Variants in UGGT1 observed in about 807,000 individuals in gnomAD.
UGGT1 encodes UDP-glucose:glycoprotein glucosyltransferase 1.
UGGT1 carries 107 observed loss-of-function variants against 203.9 expected under a neutral mutation model. The ratio of observed to expected loss-of-function variants is 0.52; its 90% CI spans 0.45 to 0.62. The LOEUF is 0.62. UGGT1 is among the 20% of genes least tolerant of loss of function. UGGT1 has a pLI of 0.00. For missense variants in UGGT1, 1,673 were observed against 1,867.2 expected, an observed-to-expected ratio of 0.90 and a Z score of 1.92; for synonymous variants, 628 against 653.5, an observed-to-expected ratio of 0.96 and a Z score of 0.59.
chr2:128,178,632 G>A lies in UGGT1; in HGVS notation c.3815+63G>A, dbSNP rs962305057. 38 of 1,461,416 alleles carry A rather than the reference G, an allele frequency of 2.6e-5. No individual in the cohort carries two copies. In the Admixed American group the frequency reaches 3.2e-4, roughly 12 times the overall value. 90.5% of individuals were successfully genotyped at this position (1,461,416 alleles called of 1,614,324 possible). On this transcript the variant is annotated intron_variant, in intron 34 of 40. Coordinates refer to ENST00000259253, the MANE Select transcript of UGGT1 (RefSeq NM_020120.4). ...GAATTGGTCAGTGTTCTTATTTAGA[G>A]AGGAAAGGTTTTGTGGGATTCTGCT...
In UGGT1 at chr2:128,103,951, A is replaced by G; in HGVS notation, c.214A>G (p.Ser72Gly). The change falls in exon 3 of 41, where the codon AGT (serine) becomes GGT (glycine). Residue 72 changes from serine to glycine, a missense_variant. Transcript: ENST00000259253. ...LEASEFLAED[S>G]QEKFWNFVEA... is the part of the protein sequence containing the mutation. ...TCCCAGTGAGTTTTTAGCAGAAGACAGTCAAGAGAAATTTTGGAATTTTGT... is the reference window on the plus strand; with the variant it reads ...TCCCAGTGAGTTTTTAGCAGAAGACGGTCAAGAGAAATTTTGGAATTTTGT... The G allele has an allele frequency of 6.3e-7, 1 of 1,592,622 alleles. No individual in the cohort carries two copies. The highest frequency in any genetic ancestry group is 1.2e-5 in the South Asian group (1 of 85,976).
At chr2:128,113,336 C>T (rs1007040235) in intron 6 of UGGT1, 78 bp downstream of exon 6, 1 of 1,160,166 alleles carries the variant, frequency 8.6e-7, no homozygotes, top group African/African-American at 1.6e-5. Context: ...TAATAATCTC[C>T]CTCTTTATAA....
chr2:128,149,262 C>T (rs1372118889), intron 18 of UGGT1, among the ~76,000 whole-genome samples: 1 of 151,688 alleles, frequency 6.6e-6, no homozygotes, highest in Non-Finnish European at 1.5e-5. Context: ...GGCTGTTCTC[C>T]AACTCTTGGG....
chr2:128,174,762 T>G lies in UGGT1; in HGVS notation c.3454-11T>G, dbSNP rs1376119863. 1 of 1,606,068 alleles carries G rather than the reference T, an allele frequency of 6.2e-7. No individual in the cohort carries two copies. The highest frequency in any genetic ancestry group is 8.5e-7 in the Non-Finnish European group (1 of 1,177,504). On this transcript the variant is annotated splice_polypyrimidine_tract_variant and intron_variant, in intron 30 of 40. Coordinates refer to ENST00000259253, the MANE Select transcript of UGGT1 (RefSeq NM_020120.4). The stretch of plus-strand genomic sequence containing the variant: ...TGAAGAGAGCTAACTGGACTTTTCT[T>G]CTTGTCCTAGGGCTACTTTCAGCTG...
chr2:128,156,866 G>A (rs1025418981), intron 21 of UGGT1, among the ~76,000 whole-genome samples: 5 of 152,062 alleles, frequency 3.3e-5, no homozygotes, highest in African/African-American at 9.7e-5. Flanking sequence ...CACTGCACCC[G>A]GCCAATGTAG....
chr2:128,141,295 C>A (rs1689411803), intron 16 of UGGT1, among the ~76,000 whole-genome samples: 1 of 151,832 alleles, frequency 6.6e-6, no homozygotes, highest in African/African-American at 2.4e-5. Flanking sequence ...CTCATCTCTA[C>A]TAAAAATACA....
chr2:128,189,798 G>C lies in UGGT1; in HGVS notation c.*56G>C. The C allele has an allele frequency of 6.3e-7, 1 of 1,597,356 alleles. No homozygotes were observed. The highest frequency in any genetic ancestry group is 8.6e-7 in the Non-Finnish European group (1 of 1,168,056). ...TTGAAAAACAGTTTTTATAATAAAT[G>C]CTAGTTTTTTCTGATCTGTCTATAC... is the stretch of plus-strand genomic sequence containing the variant. On this transcript the variant is annotated 3_prime_UTR_variant, in exon 41 of 41. Transcript: ENST00000259253.
At chr2:128,095,040 C>G (rs188457198) in intron 1 of UGGT1, among the ~76,000 whole-genome samples, 5 of 152,044 alleles carry the variant, frequency 3.3e-5, no homozygotes, top group East Asian at 1.9e-4. Context: ...TGAGCCACTG[C>G]GCTGGGCCAG....
chr2:128,139,522 A>G (rs1023252352), intron 16 of UGGT1, among the ~76,000 whole-genome samples: 1 of 152,184 alleles, frequency 6.6e-6, no homozygotes, highest in Non-Finnish European at 1.5e-5. Flanking sequence ...ATAGGCTTGG[A>G]GGCCGAATGT....
At chr2:128,119,111 A>T (rs1398155698) in intron 8 of UGGT1, among the ~76,000 whole-genome samples, 1 of 152,194 alleles carries the variant, frequency 6.6e-6, no homozygotes, top group Non-Finnish European at 1.5e-5. Flanking sequence ...AAAATCTGAA[A>T]CCTGAAATGC....
At chr2:128,158,399 G>A (rs772322158) in intron 22 of UGGT1, among the ~76,000 whole-genome samples, 20 of 152,192 alleles carry the variant, frequency 1.3e-4, no homozygotes, top group South Asian at 4.1e-4. Flanking sequence ...CAGACACTAC[G>A]CCTCTTCCCT....
Position 128,103,926 on chromosome 2 carries a change from T to G in UGGT1, c.195-6T>G. The G allele has an allele frequency of 6.3e-7, 1 of 1,580,644 alleles. No homozygotes were observed. Among genetic ancestry groups the G allele is most frequent in the South Asian group, 1.2e-5 (1 of 83,504 alleles). ...AAGTTGTTTTATTTCTGATCTTTTC[T>G]CCCAGTGAGTTTTTAGCAGAAGACA... On this transcript the variant is annotated splice_polypyrimidine_tract_variant and splice_region_variant and intron_variant, in intron 2 of 40. Transcript: ENST00000259253.
At position 128,172,733 on chromosome 2, in the gene UGGT1, T is replaced by G. The variant is rs749537719; in HGVS notation, c.3265T>G (p.Tyr1089Asp). ...GATGGTAGAATCTGTCAGAACACCA[T>G]ATGATCTTGATAATATTTATTTAGA... Reference protein sequence around the residue: ...SWMVESVRTPYDLDNIYLEEV... With the variant: ...SWMVESVRTPDDLDNIYLEEV... The change falls in exon 29 of 41, where the codon TAT (tyrosine) becomes GAT (aspartate). Residue 1089 changes from tyrosine to aspartate, a missense_variant. Tyr to Asp is a radical substitution (Grantham distance 160, BLOSUM62 -3). Around this residue, in one of 4 missense-constraint regions of UGGT1, gnomAD observed 513 missense variants for 684.1 expected, o/e 0.75. Transcript: ENST00000259253. The G allele has an allele frequency of 2.5e-6, 4 of 1,614,068 alleles. No individual in the cohort carries two copies. Among genetic ancestry groups the G allele is most frequent in the Non-Finnish European group, 2.5e-6 (3 of 1,179,990 alleles).
intron 17 of UGGT1, among the ~76,000 whole-genome samples, chr2:128,144,636 C>A (rs1689591499): frequency 6.6e-6 from 1 of 152,146 alleles, no homozygotes; most frequent in Non-Finnish European, 1.5e-5. Flanking sequence ...ATATTTAAAA[C>A]ATTTAAACTA....
Position 128,133,148 on chromosome 2 carries a change from A to G in UGGT1, c.1385A>G (p.Asn462Ser). The G allele has an allele frequency of 6.2e-7, 1 of 1,613,986 alleles. No individual in the cohort carries two copies. The highest frequency in any genetic ancestry group is 8.5e-7 in the Non-Finnish European group (1 of 1,179,896). The change falls in exon 14 of 41, where the codon AAC (asparagine) becomes AGC (serine). Residue 462 changes from asparagine to serine, a missense_variant. Around this residue, in one of 4 missense-constraint regions of UGGT1, gnomAD observed 1,073 missense variants for 1,078.7 expected, o/e 0.99. Transcript: ENST00000259253. ...DIRSPAISWV[N>S]NLEVDSRYNS... ...TTGTGTTATTTTTTGTAGTGGGTCA[A>G]CAACCTGGAGGTTGATAGCAGATAT...
At chr2:128,180,813 G>T in intron 35 of UGGT1, 77 bp from the exon 36 acceptor site, 1 of 1,437,826 alleles carries the variant, frequency 7.0e-7, no homozygotes, top group Non-Finnish European at 9.5e-7. Context: ...CCGTATCATG[G>T]TGGTTGGCTT....
At chr2:128,173,966 A>G (rs959192997) in intron 30 of UGGT1, 27 bp downstream of exon 30, 5 of 1,606,386 alleles carry the variant, frequency 3.1e-6, no homozygotes, top group Middle Eastern at 1.7e-4. Context: ...TCAGATAGTG[A>G]TATTGTAGTT....
At chr2:128,176,338 G>C (rs560489316) in intron 31 of UGGT1, among the ~76,000 whole-genome samples, 1 of 151,392 alleles carries the variant, frequency 6.6e-6, no homozygotes, top group Non-Finnish European at 1.5e-5. Context: ...CTTGAACCCC[G>C]GAGGTGGAGG....
chr2:128,171,109 T>G, intron 27 of UGGT1, 96 bp from the exon 28 acceptor site: 1 of 1,150,548 alleles, frequency 8.7e-7, no homozygotes, highest in East Asian at 2.5e-5. Context: ...GCTGTTATCT[T>G]TATATCTTTT....
Sources: gnomAD v4.1 joint callset for allele counts (sites outside exome capture counted in the v4.1 genomes callset) on GRCh38, gnomAD v4.1.1 for gene constraint, gnomAD v4.1.1 regional missense constraint, MANE v1.5 for transcripts, NCBI Gene and HGNC (gene_info 2026-07-23, HGNC 2026-07-21) for gene names.